ADGRL2: variants seen among roughly 807,000 people sequenced by gnomAD.
ADGRL2 encodes the protein adhesion G protein-coupled receptor L2.
Under a neutral mutation model 157.4 loss-of-function variants are expected in ADGRL2, and 44 were observed. The ratio of observed to expected loss-of-function variants is 0.28; its 90% CI spans 0.22 to 0.36. ADGRL2 has a LOEUF of 0.36. Ranked by LOEUF, ADGRL2 falls within the 10% of genes least tolerant of loss-of-function variation. ADGRL2 has a pLI of 1.00. For synonymous variants in ADGRL2, 585 were observed against 624.7 expected (o/e 0.94, Z 0.95); for missense variants, 1,510 against 1,768.9 (o/e 0.85, Z 2.63).
At chr1:81,875,914 A>G (rs944201495) in intron 2 of ADGRL2, among the ~76,000 whole-genome samples, 6 of 152,148 alleles carry the variant, frequency 3.9e-5, no homozygotes, top group African/African-American at 1.4e-4. Context: ...CTCCCTTGTA[A>G]ATCAATTATG....
At chr1:81,903,838 C>A (rs1025326572) in intron 2 of ADGRL2, among the ~76,000 whole-genome samples, 5 of 148,272 alleles carry the variant, frequency 3.4e-5, no homozygotes, top group Non-Finnish European at 7.5e-5. Flanking sequence ...CACACACACA[C>A]ACACACACAT....
intron 3 of ADGRL2, among the ~76,000 whole-genome samples, chr1:81,604,150 A>G (rs1186930663): frequency 6.6e-6 from 1 of 152,032 alleles, no homozygotes; most frequent in Non-Finnish European, 1.5e-5. Flanking sequence ...ATTTTGGTAG[A>G]GACGAGGTTT....
At chr1:81,907,266 T>G in intron 3 of ADGRL2, 36 bp downstream of exon 3, 1 of 1,547,890 alleles carries the variant, frequency 6.5e-7, no homozygotes, top group Non-Finnish European at 8.9e-7. Context: ...ATTTGAGCTA[T>G]TGTATCCAAA....
chr1:81,489,507 G>A (rs2078584722), intron 2 of ADGRL2, among the ~76,000 whole-genome samples: 1 of 152,178 alleles, frequency 6.6e-6, no homozygotes, highest in South Asian at 2.1e-4. Context: ...CACTGTGGAA[G>A]TCCCAGAAGT....
intron 1 of ADGRL2, among the ~76,000 whole-genome samples, chr1:81,425,224 C>T (rs1337916226): frequency 1.3e-5 from 2 of 152,098 alleles, no homozygotes; most frequent in Non-Finnish European, 2.9e-5. Context: ...TATATGTTGA[C>T]CCTATCACAT....
Position 81,950,578 on chromosome 1 carries a change from C to T in ADGRL2, c.1504+96C>T, listed in dbSNP as rs377567853. On this transcript the variant is annotated intron_variant, in intron 7 of 23. Transcript: ENST00000686636. ...TTTTATTCAAAGAAAGCGATGTTTA[C>T]AGTAGCTAACTTTATTTTTGTACTT... is the stretch of plus-strand genomic sequence containing the variant. 28 of 1,137,914 alleles carry T rather than the reference C, an allele frequency of 2.5e-5. No homozygotes were observed. In the African/African-American group the frequency reaches 3.6e-4, roughly 15 times the overall value. 70.5% of individuals were successfully genotyped at this position (1,137,914 alleles called of 1,614,324 possible). A position where few individuals can be genotyped will look rare whatever the true frequency, so the allele number is the denominator to read the frequency against.
chr1:81,387,542 T>C (rs1339204885), intron 1 of ADGRL2, among the ~76,000 whole-genome samples: 4 of 152,180 alleles, frequency 2.6e-5, no homozygotes, highest in East Asian at 3.8e-4. Context: ...AGTACTGTTA[T>C]TGTCCTCTTT....
intron 1 of ADGRL2, among the ~76,000 whole-genome samples, chr1:81,736,030 C>G (rs1377518214): frequency 6.6e-6 from 1 of 151,090 alleles, no homozygotes; most frequent in Non-Finnish European, 1.5e-5. Flanking sequence ...GTAATCCCAG[C>G]TACTAGGGAG....
chr1:81,736,629 T>A (rs1376732397), intron 1 of ADGRL2, among the ~76,000 whole-genome samples: 2 of 152,182 alleles, frequency 1.3e-5, no homozygotes, highest in Non-Finnish European at 1.5e-5. Context: ...TAGATCCAGA[T>A]CTCTATGCCT....
chr1:81,645,866 C>A (rs113372572), intron 3 of ADGRL2, among the ~76,000 whole-genome samples: 1 of 152,092 alleles, frequency 6.6e-6, no homozygotes, highest in Non-Finnish European at 1.5e-5. Flanking sequence ...ACTCTCCTTT[C>A]ATAAGGTATT....
intron 3 of ADGRL2, among the ~76,000 whole-genome samples, chr1:81,911,564 G>C (rs953988214): frequency 6.6e-6 from 1 of 152,126 alleles, no homozygotes; most frequent in Admixed American, 6.6e-5. Flanking sequence ...CCTGCTCATT[G>C]TTATCAAGGT....
At chr1:81,852,845 A>G (rs2093061819) in intron 2 of ADGRL2, among the ~76,000 whole-genome samples, 1 of 152,154 alleles carries the variant, frequency 6.6e-6, no homozygotes, top group African/African-American at 2.4e-5. Flanking sequence ...TACCAACATA[A>G]TGAACTTTTT....
At chr1:81,720,030 T>A (rs1229968949) in intron 1 of ADGRL2, among the ~76,000 whole-genome samples, 1 of 152,166 alleles carries the variant, frequency 6.6e-6, no homozygotes, top group Non-Finnish European at 1.5e-5. Context: ...TTACTATATT[T>A]TATTATGAAA....
At position 81,990,459 on chromosome 1, in the gene ADGRL2, A is replaced by G. The variant is rs1204682680; in HGVS notation, c.3724A>G (p.Asn1242Asp). 1 of 1,614,116 alleles carries G rather than the reference A, an allele frequency of 6.2e-7. No homozygotes were observed. The highest frequency in any genetic ancestry group is 1.7e-5 in the Admixed American group (1 of 60,022). Residue 1242 changes from asparagine (N) to aspartate (D), a missense_variant, in exon 24 of 24, where the codon AAC (asparagine) becomes GAC (aspartate). Around this residue, in one of 4 missense-constraint regions of ADGRL2, gnomAD observed 327 missense variants for 310.1 expected, o/e 1.05. Transcript: ENST00000686636. The stretch of plus-strand genomic sequence containing the variant: ...TCTACCGCTAAATGGTAATTTTAAC[A>G]ACAGCTACTCGCTGCACAAGGGTGA... Reference protein sequence around the residue: ...DTLPLNGNFNNSYSLHKGDYN... With the variant: ...DTLPLNGNFNDSYSLHKGDYN...
intron 2 of ADGRL2, among the ~76,000 whole-genome samples, chr1:81,868,729 T>G (rs2093616141): frequency 6.6e-6 from 1 of 152,124 alleles, no homozygotes; most frequent in Non-Finnish European, 1.5e-5. Flanking sequence ...TCTGTTAACT[T>G]TGCTTCTTCT....
intron 1 of ADGRL2, among the ~76,000 whole-genome samples, chr1:81,755,724 C>CTTCT (rs2085665275): frequency 3.3e-5 from 5 of 151,336 alleles, no homozygotes; most frequent in Non-Finnish European, 7.4e-5. Flanking sequence ...TCTTCTTTAG[C>CTTCT]ATACTTTTCA....
At position 81,615,383 on chromosome 1, in the gene ADGRL2, C is replaced by T. The variant is rs1044220473; in HGVS notation, c.-143+34403C>T. 2.5e-4 allele frequency among the ~76,000 whole-genome samples: 38 copies of T among 152,342 alleles called. No homozygotes were observed. In the Middle Eastern group the frequency reaches 0.017, roughly 68 times the overall value. ...CTATGCTGTGGAAGCTTTGTTCTTT[C>T]GCTCTTCGCAATAAATCTTGCTGCT... On this transcript the variant is annotated intron_variant, in intron 3 of 24. Coordinates refer to the ADGRL2 transcript ENST00000370721.
At chr1:81,540,373 C>T (rs192684186) in intron 2 of ADGRL2, among the ~76,000 whole-genome samples, 5 of 152,254 alleles carry the variant, frequency 3.3e-5, no homozygotes, top group Admixed American at 3.3e-4. Context: ...TACCACAAGC[C>T]AGACACTGAC....
intron 2 of ADGRL2, among the ~76,000 whole-genome samples, chr1:81,481,616 A>G (rs2078389829): frequency 6.6e-6 from 1 of 152,160 alleles, no homozygotes; most frequent in Non-Finnish European, 1.5e-5. Context: ...TCATTTAACT[A>G]GTCTAAGTTA....
Sources: allele counts gnomAD v4.1 joint callset (sites outside exome capture counted in the v4.1 genomes callset), GRCh38; gene constraint gnomAD v4.1.1; regional missense constraint gnomAD v4.1.1; transcripts MANE v1.5; gene names NCBI Gene and HGNC (gene_info 2026-07-23, HGNC 2026-07-21).